APBB2: variants seen among roughly 807,000 people sequenced by gnomAD.
APBB2 encodes Fe65-like 1.
A neutral mutation model predicts 82.5 loss-of-function variants in APBB2; 38 were observed. That is an observed-to-expected ratio of 0.46 (90% CI 0.36 to 0.60). APBB2 has a LOEUF of 0.60. Ranked by LOEUF, APBB2 falls within the 20% of genes least tolerant of loss-of-function variation. APBB2 has a pLI of 0.00. For synonymous variants in APBB2, 341 were observed against 368.2 expected (o/e 0.93, Z 0.85); for missense variants, 772 against 972.3 (o/e 0.79, Z 2.74).
intron 12 of APBB2, among the ~76,000 whole-genome samples, chr4:40,849,943 C>G (rs927953103): frequency 3.3e-5 from 5 of 152,062 alleles, no homozygotes; most frequent in Admixed American, 1.3e-4. Context: ...AGTCTGGTCT[C>G]AAACTCCTGA....
chr4:41,212,943 G>A (rs114767451), intron 1 of APBB2, among the ~76,000 whole-genome samples: 2,702 of 152,248 alleles, frequency 0.018, 87 homozygotes, highest in African/African-American at 0.062. Context: ...AGTTGAAAAC[G>A]AGAAGGTTGC....
At chr4:41,048,829 CG>C (rs1325806983) in intron 4 of APBB2, among the ~76,000 whole-genome samples, 1 of 152,178 alleles carries the variant, frequency 6.6e-6, no homozygotes, top group African/African-American at 2.4e-5. Context: ...CGCGCTGCCA[CG>C]CCGGACTAGT....
chr4:40,935,013 T>C (rs1054414775), intron 8 of APBB2, 64 bp downstream of exon 8: 1 of 1,313,084 alleles, frequency 7.6e-7, no homozygotes, highest in African/African-American at 1.5e-5. Flanking sequence ...AAGAAAAATA[T>C]ACAGCCACAG....
intron 3 of APBB2, among the ~76,000 whole-genome samples, chr4:41,079,280 C>A (rs568386736): frequency 2.8e-4 from 42 of 152,320 alleles, no homozygotes; most frequent in African/African-American, 9.9e-4. Flanking sequence ...CCAATATCTT[C>A]TCAATAAATT....
chr4:41,198,607 A>G, intron 1 of APBB2, among the ~76,000 whole-genome samples: 29,674 of 152,146 alleles, frequency 0.2, 3,891 homozygotes, highest in African/African-American at 0.37. Context: ...CCCAGGATTC[A>G]AACGCAGGCC....
At chr4:41,196,684 A>C in intron 1 of APBB2, among the ~76,000 whole-genome samples, 1 of 148,184 alleles carries the variant, frequency 6.7e-6, no homozygotes, top group Non-Finnish European at 1.5e-5. Context: ...CCAAATGTTG[A>C]AATTTCTAGT....
At chr4:41,109,735 G>A (rs1748525183) in intron 2 of APBB2, among the ~76,000 whole-genome samples, 1 of 152,190 alleles carries the variant, frequency 6.6e-6, no homozygotes, top group Non-Finnish European at 1.5e-5. Context: ...CTCCCAAAAT[G>A]CTGGGATTAC....
intron 4 of APBB2, among the ~76,000 whole-genome samples, chr4:41,042,561 C>T (rs941269363): frequency 1.3e-5 from 2 of 152,236 alleles, no homozygotes; most frequent in South Asian, 2.1e-4. Flanking sequence ...ATGTATGGAC[C>T]CATTTCTGCT....
chr4:41,145,839 CT>C (rs1760561227), intron 1 of APBB2, among the ~76,000 whole-genome samples: 1 of 152,352 alleles, frequency 6.6e-6, no homozygotes, highest in African/African-American at 2.4e-5. Flanking sequence ...GGCATCAAGT[CT>C]GGCCTCTTAC....
intron 4 of APBB2, among the ~76,000 whole-genome samples, chr4:41,049,106 G>C (rs1168831266): frequency 2.7e-5 from 4 of 150,614 alleles, no homozygotes; most frequent in Non-Finnish European, 4.4e-5. Context: ...AGTGAGGAGC[G>C]TCTCTGCCTG....
intron 2 of APBB2, among the ~76,000 whole-genome samples, chr4:41,123,840 C>G (rs1381767191): frequency 6.6e-6 from 1 of 151,102 alleles, no homozygotes; most frequent in East Asian, 1.9e-4. Flanking sequence ...AACCAAAAAA[C>G]AAAACAAAAC....
intron 4 of APBB2, among the ~76,000 whole-genome samples, chr4:41,059,032 G>A (rs6831604): frequency 0.3 from 46,047 of 151,858 alleles, 7,444 homozygotes; most frequent in East Asian, 0.54. Context: ...TGTAGGGGCT[G>A]AGATCCTGAT....
intron 1 of APBB2, among the ~76,000 whole-genome samples, chr4:41,182,251 T>C (rs1771626562): frequency 6.6e-6 from 1 of 152,206 alleles, no homozygotes; most frequent in African/African-American, 2.4e-5. Flanking sequence ...TACCATTCTA[T>C]CAAAACTGCT....
At chr4:40,973,318 T>C (rs983162634) in intron 6 of APBB2, among the ~76,000 whole-genome samples, 6 of 152,186 alleles carry the variant, frequency 3.9e-5, no homozygotes, top group African/African-American at 1.4e-4. Flanking sequence ...AGTCAGGCCA[T>C]CTTCTCAAAT....
rs866854594 is a variant in APBB2, at chr4:41,159,973, A to G, written c.-416-16831T>C. On this transcript the variant is annotated intron_variant, in intron 1 of 17. Coordinates refer to ENST00000508593, the MANE Select transcript of APBB2 (RefSeq NM_004307.2). ...GGAGAAGGAGAAGGAGAAGAAGAAG[A>G]AGAAGAAGAAGAAGAAGAAGAAGAA... Among the ~76,000 whole-genome samples, 479 of 101,120 alleles carry G rather than the reference A, an allele frequency of 4.7e-3. 14 individuals carry two copies. The highest frequency in any genetic ancestry group is 8.1e-3 in the African/African-American group (187 of 23,072). 66.3% of individuals were successfully genotyped at this position (101,120 alleles called of 152,430 possible).
chr4:40,903,108 A>G (rs1377151801), intron 10 of APBB2, among the ~76,000 whole-genome samples: 1 of 152,140 alleles, frequency 6.6e-6, no homozygotes, highest in Non-Finnish European at 1.5e-5. Flanking sequence ...AAGCCAGTGC[A>G]TTCCAGCAGT....
intron 1 of APBB2, among the ~76,000 whole-genome samples, chr4:41,167,472 G>A (rs561613703): frequency 2.0e-4 from 30 of 152,168 alleles, no homozygotes; most frequent in Non-Finnish European, 3.8e-4. Context: ...CCACTCAGGG[G>A]ACTCCAAGGG....
At position 41,095,681 on chromosome 4, in the gene APBB2, G is replaced by T. The variant is rs1002686216; in HGVS notation, c.-149+4958C>A. 1.5e-4 allele frequency among the ~76,000 whole-genome samples: 23 copies of T among 152,174 alleles called. 1 individual carries two copies. The highest frequency in any genetic ancestry group is 5.3e-4 in the African/African-American group (22 of 41,426). On this transcript the variant is annotated intron_variant, in intron 3 of 17. Coordinates refer to ENST00000508593, the MANE Select transcript of APBB2 (RefSeq NM_004307.2). The stretch of plus-strand genomic sequence containing the variant: ...CAGCTTGATGACAAGTGTGCTGGGT[G>T]GTTCTAAGTCCTCCCATCTGCTGCT...
chr4:40,945,573 C>T (rs963051614), intron 6 of APBB2, among the ~76,000 whole-genome samples: 1 of 152,156 alleles, frequency 6.6e-6, no homozygotes, highest in Non-Finnish European at 1.5e-5. Flanking sequence ...TTGATTGGGA[C>T]ACCTACAAAA....
Sources: gnomAD v4.1 joint callset for allele counts (sites outside exome capture counted in the v4.1 genomes callset) on GRCh38, gnomAD v4.1.1 for gene constraint, MANE v1.5 for transcripts, NCBI Gene and HGNC (gene_info 2026-07-23, HGNC 2026-07-21) for gene names.